SCD5: variants seen among roughly 807,000 people sequenced by gnomAD.
SCD5 encodes the protein acyl-CoA-desaturase 4.
SCD5 carries 20 observed loss-of-function variants against 30.4 expected under a neutral mutation model. The ratio of observed to expected loss-of-function variants is 0.66; its 90% CI spans 0.46 to 0.96. The LOEUF (loss-of-function observed/expected upper bound fraction) is 0.96, where lower values mean the gene tolerates loss of function less well. Among genes scored for constraint, SCD5 ranks in the 40% least tolerant of loss-of-function variants. The pLI, the probability that SCD5 is intolerant of heterozygous loss-of-function variation, is 0.00. For missense variants in SCD5, 381 were observed against 443.3 expected (o/e 0.86, Z 1.26); for synonymous variants, 173 against 176.4 (o/e 0.98, Z 0.16).
intron 1 of SCD5, among the ~76,000 whole-genome samples, chr4:82,795,009 T>A (rs141685478): frequency 1.3e-3 from 191 of 152,208 alleles, no homozygotes; most frequent in Non-Finnish European, 2.1e-3. Flanking sequence ...ACCAAGAGCA[T>A]TCTGTCCTGA....
intron 1 of SCD5, among the ~76,000 whole-genome samples, chr4:82,708,195 C>T (rs960622277): frequency 3.3e-5 from 5 of 152,056 alleles, no homozygotes; most frequent in Non-Finnish European, 7.4e-5. Flanking sequence ...ATACTAAAAA[C>T]AAATGACTTG....
At chr4:82,679,296 G>GAA (rs1353565729) in intron 3 of SCD5, among the ~76,000 whole-genome samples, 35 of 146,924 alleles carry the variant, frequency 2.4e-4, no homozygotes, top group African/African-American at 8.5e-4. Context: ...AGGAAAGAAA[G>GAA]AAAGAAAACA....
chr4:82,740,839 T>G (rs72906455), intron 1 of SCD5, among the ~76,000 whole-genome samples: 9,266 of 152,258 alleles, frequency 0.061, 401 homozygotes, highest in African/African-American at 0.11. Flanking sequence ...TCAGAAAAAG[T>G]CTAGAACCAG....
chr4:82,794,777 GT>G (rs1722175652), intron 1 of SCD5, among the ~76,000 whole-genome samples: 1 of 151,892 alleles, frequency 6.6e-6, no homozygotes, highest in Non-Finnish European at 1.5e-5. Flanking sequence ...AGCCTCCCGA[GT>G]AGCTGGGACT....
At chr4:82,664,838 A>G (rs1728132270) in intron 3 of SCD5, among the ~76,000 whole-genome samples, 1 of 151,794 alleles carries the variant, frequency 6.6e-6, no homozygotes, top group Non-Finnish European at 1.5e-5. Flanking sequence ...TTAGAGTCCC[A>G]GAAGAAGCCA....
intron 1 of SCD5, among the ~76,000 whole-genome samples, chr4:82,727,591 T>C (rs1045361574): frequency 4.6e-5 from 7 of 152,226 alleles, no homozygotes; most frequent in African/African-American, 1.2e-4. Flanking sequence ...GACACCCCCA[T>C]TGACAGGCAG....
intron 4 of SCD5, among the ~76,000 whole-genome samples, chr4:82,633,512 G>A (rs1189404243): frequency 1.3e-5 from 2 of 152,142 alleles, no homozygotes; most frequent in Non-Finnish European, 2.9e-5. Context: ...GTAGGATTGC[G>A]AGATCATATG....
chr4:82,702,695 G>A (rs531664601), intron 2 of SCD5, among the ~76,000 whole-genome samples: 10 of 152,262 alleles, frequency 6.6e-5, no homozygotes, highest in African/African-American at 2.2e-4. Context: ...CGGTGAAGGA[G>A]AGAAGAGAGA....
intron 1 of SCD5, chr4:82,775,627 G>A (rs1721728477): frequency 6.6e-6 from 1 of 152,282 alleles, no homozygotes; most frequent in African/African-American, 2.4e-5. Flanking sequence ...TTGGGAGGCT[G>A]AGATACAAGG....
intron 1 of SCD5, among the ~76,000 whole-genome samples, chr4:82,707,321 G>A (rs555849799): frequency 6.6e-6 from 1 of 152,302 alleles, no homozygotes; most frequent in East Asian, 1.9e-4. Context: ...GCAAACAAGA[G>A]TCATTGATTC....
chr4:82,642,390 A>G (rs1439011991), intron 3 of SCD5, among the ~76,000 whole-genome samples: 1 of 152,138 alleles, frequency 6.6e-6, no homozygotes, highest in Non-Finnish European at 1.5e-5. Context: ...CTGGCCCCAT[A>G]AGTTGCATAT....
chr4:82,658,834 A>AT (rs36017517), intron 3 of SCD5, among the ~76,000 whole-genome samples: 144,595 of 151,878 alleles, frequency 0.95, 68,930 homozygotes, highest in East Asian at 1. Context: ...TGGTATCAGG[A>AT]GCTGCTGGTC....
At chr4:82,646,883 T>A (rs1727643397) in intron 3 of SCD5, among the ~76,000 whole-genome samples, 2 of 152,206 alleles carry the variant, frequency 1.3e-5, no homozygotes, top group Admixed American at 6.5e-5. Context: ...AGTGCAGTGG[T>A]GTGATCTCGG....
At chr4:82,746,927 AGACCTT>A (rs1331822986) in intron 1 of SCD5, among the ~76,000 whole-genome samples, 2 of 142,220 alleles carry the variant, frequency 1.4e-5, no homozygotes, top group African/African-American at 5.0e-5. Flanking sequence ...TATAAACCCG[AGACCTT>A]AAGTGGACGC....
intron 1 of SCD5, among the ~76,000 whole-genome samples, chr4:82,778,677 C>A (rs1048645124): frequency 2.0e-5 from 3 of 152,210 alleles, no homozygotes; most frequent in East Asian, 1.9e-4. Flanking sequence ...AATAACTGGG[C>A]GTTTCTGTCC....
intron 1 of SCD5, among the ~76,000 whole-genome samples, chr4:82,711,072 A>G (rs1226559649): frequency 6.6e-6 from 1 of 152,180 alleles, no homozygotes. Context: ...GGTTTGTTGT[A>G]AAGATTAAAA....
At chr4:82,638,990 A>T (rs1294538178) in intron 3 of SCD5, among the ~76,000 whole-genome samples, 1 of 152,254 alleles carries the variant, frequency 6.6e-6, no homozygotes, top group East Asian at 1.9e-4. Context: ...CGCAAGACTC[A>T]TAGGTGGTGG....
intron 1 of SCD5, among the ~76,000 whole-genome samples, chr4:82,767,725 A>G (rs1721524184): frequency 6.6e-6 from 1 of 152,154 alleles, no homozygotes; most frequent in South Asian, 2.1e-4. Context: ...TCTTTTATTT[A>G]AAAGTCTTTG....
intron 2 of SCD5, among the ~76,000 whole-genome samples, chr4:82,689,369 C>T (rs72661257): frequency 0.023 from 3,438 of 148,600 alleles, 73 homozygotes; most frequent in South Asian, 0.1. Flanking sequence ...AGACACCACA[C>T]TAAAAAGAAA....
Sources: allele counts gnomAD v4.1 joint callset (sites outside exome capture counted in the v4.1 genomes callset), GRCh38; gene constraint gnomAD v4.1.1; transcripts MANE v1.5; gene names NCBI Gene and HGNC (gene_info 2026-07-23, HGNC 2026-07-21).